GSR: variants seen among roughly 807,000 people sequenced by gnomAD.
GSR encodes glutathione reductase, mitochondrial.
A neutral mutation model predicts 56.5 loss-of-function variants in GSR; 48 were observed. That is an observed-to-expected ratio of 0.85 (90% CI 0.67 to 1.08). GSR has a LOEUF of 1.08. Ranked by LOEUF, GSR falls within the 50% of genes least tolerant of loss-of-function variation. GSR has a pLI of 0.00. For synonymous variants in GSR, 264 were observed against 270.8 expected, an observed-to-expected ratio of 0.97 and a Z score of 0.25; for missense variants, 694 against 703.3, an observed-to-expected ratio of 0.99 and a Z score of 0.15.
chr8:30,699,551 C>A (rs933976363), intron 6 of GSR, among the ~76,000 whole-genome samples: 1 of 152,064 alleles, frequency 6.6e-6, no homozygotes, highest in African/African-American at 2.4e-5. Context: ...TCAAGTGATT[C>A]TCCTGCCTCA....
chr8:30,714,362 C>T (rs1405765101), intron 1 of GSR, among the ~76,000 whole-genome samples: 5 of 151,942 alleles, frequency 3.3e-5, no homozygotes, highest in South Asian at 2.1e-4. Context: ...AGGCGTTCAC[C>T]GCCATGCCTG....
chr8:30,707,565 T>C (rs1037885498), intron 4 of GSR, among the ~76,000 whole-genome samples: 3 of 151,934 alleles, frequency 2.0e-5, no homozygotes, highest in Non-Finnish European at 4.4e-5. Flanking sequence ...GAGACTGAGG[T>C]GGGAGGACTG....
At chr8:30,684,933 ATTTATTTATTTATT>A (rs1803106837) in intron 9 of GSR, among the ~76,000 whole-genome samples, 1 of 346 alleles carries the variant, frequency 2.9e-3, no homozygotes, top group African/African-American at 0.022. Context: ...ACATACATTT[ATTTATTTATTTATT>A]TATTTATTTA....
rs558898648 is a variant in GSR, at chr8:30,692,963, C to T, written c.882+6G>A. On this transcript the variant is annotated splice_donor_region_variant and intron_variant, in intron 8 of 12. Coordinates refer to ENST00000221130, the MANE Select transcript of GSR (RefSeq NM_000637.5). The stretch of plus-strand genomic sequence containing the variant: ...GCCGCGTGCATGCCTGGGCTTGGCA[C>T]TGTACCTGGGAGAACTTCAGCACCT... 576 of 1,592,572 alleles carry T rather than the reference C, an allele frequency of 3.6e-4. 10 individuals are homozygous for T. In the South Asian group the frequency reaches 6.0e-3, roughly 17 times the overall value.
chr8:30,726,576 T>A (rs985954826), intron 1 of GSR, among the ~76,000 whole-genome samples: 1 of 152,040 alleles, frequency 6.6e-6, no homozygotes, highest in East Asian at 1.9e-4. Context: ...AAGGGCAACA[T>A]AGCGAGACCC....
intron 1 of GSR, among the ~76,000 whole-genome samples, chr8:30,722,755 G>C (rs1804590835): frequency 2.3e-5 from 3 of 133,214 alleles, no homozygotes; most frequent in Admixed American, 1.5e-4. Flanking sequence ...AAAAAAAAAA[G>C]CATGTCCAGT....
chr8:30,727,168 C>T lies in GSR; in HGVS notation c.306+362G>A, dbSNP rs1049303639. ...CGTCACCCTCGTCCCTACACACAGG[C>T]CACCAGCAATGTTCCCAGATGCAGT... On this transcript the variant is annotated intron_variant, in intron 1 of 12. Transcript: ENST00000221130. Among the ~76,000 whole-genome samples, 63 of 152,368 alleles carry T rather than the reference C, an allele frequency of 4.1e-4. No homozygotes were observed. In the Middle Eastern group the frequency reaches 0.01, roughly 25 times the overall value.
intron 12 of GSR, among the ~76,000 whole-genome samples, 186 bp downstream of exon 12, chr8:30,680,718 T>C (rs1288067907): frequency 1.3e-5 from 2 of 151,732 alleles, no homozygotes; most frequent in Admixed American, 6.6e-5. Flanking sequence ...TTAAAAGGAG[T>C]GGAACCTCCT....
chr8:30,709,968 T>G, intron 2 of GSR, 66 bp from the exon 3 acceptor site: 5 of 847,902 alleles, frequency 5.9e-6, no homozygotes, highest in Non-Finnish European at 9.5e-6. Context: ...AAAAAAGGAA[T>G]CATGAATGAA....
At chr8:30,699,626 T>C (rs947834973) in intron 6 of GSR, among the ~76,000 whole-genome samples, 1 of 151,602 alleles carries the variant, frequency 6.6e-6, no homozygotes, top group Non-Finnish European at 1.5e-5. Flanking sequence ...ATAGTTTTAG[T>C]AGAGACAGGG....
intron 2 of GSR, among the ~76,000 whole-genome samples, chr8:30,710,698 G>A (rs1804099982): frequency 8.8e-6 from 1 of 113,694 alleles, no homozygotes; most frequent in African/African-American, 3.6e-5. Flanking sequence ...GCCTGGGCAA[G>A]AGTGAGACTC....
At chr8:30,704,161 C>T (rs573329443) in intron 4 of GSR, among the ~76,000 whole-genome samples, 1 of 152,150 alleles carries the variant, frequency 6.6e-6, no homozygotes, top group East Asian at 1.9e-4. Context: ...CCCATCTCTA[C>T]TAAAAATATA....
chr8:30,682,329 T>C (rs1159036593), intron 10 of GSR, among the ~76,000 whole-genome samples: 2 of 152,118 alleles, frequency 1.3e-5, no homozygotes, highest in Admixed American at 6.6e-5. Context: ...AAATCCAAAA[T>C]GTTGGAGCAC....
At chr8:30,701,722 G>A (rs1803747215) in intron 5 of GSR, among the ~76,000 whole-genome samples, 1 of 149,596 alleles carries the variant, frequency 6.7e-6, no homozygotes, top group African/African-American at 2.5e-5. Flanking sequence ...AAACCCGGGA[G>A]GCAGAGGTTC....
intron 7 of GSR, among the ~76,000 whole-genome samples, chr8:30,694,773 C>T (rs1641888154): frequency 6.6e-6 from 1 of 151,624 alleles, no homozygotes; most frequent in South Asian, 2.1e-4. Flanking sequence ...GTGGCATGTT[C>T]CTGTAGTCCT....
intron 6 of GSR, among the ~76,000 whole-genome samples, chr8:30,698,612 G>T (rs1187948233): frequency 2.6e-5 from 4 of 152,312 alleles, no homozygotes; most frequent in Admixed American, 2.0e-4. Flanking sequence ...CTGCAAAGCA[G>T]CTCCCTGGTC....
Position 30,708,230 on chromosome 8 carries a change from G to C in GSR, c.423-89C>G, listed in dbSNP as rs1053343234. 3 of 912,578 alleles carry C rather than the reference G, an allele frequency of 3.3e-6. No homozygotes were observed. In the African/African-American group the frequency reaches 4.9e-5, roughly 15 times the overall value. 56.5% of individuals were successfully genotyped at this position (912,578 alleles called of 1,614,324 possible). Reference sequence around the variant, plus strand: ...CATCTGTCCCTGAACACCCCGAGCAGAGAATCACTGACTGTCAACAGCAAC... The same window carrying C: ...CATCTGTCCCTGAACACCCCGAGCACAGAATCACTGACTGTCAACAGCAAC... On this transcript the variant is annotated intron_variant, in intron 3 of 12. Transcript: ENST00000221130.
intron 1 of GSR, among the ~76,000 whole-genome samples, chr8:30,715,583 G>A (rs8190920): frequency 0.015 from 2,220 of 152,166 alleles, 49 homozygotes; most frequent in African/African-American, 0.051. Context: ...GTGCTTCCCC[G>A]TGCCTTCCAC....
At chr8:30,721,058 T>C (rs1804518744) in intron 1 of GSR, among the ~76,000 whole-genome samples, 2 of 152,086 alleles carry the variant, frequency 1.3e-5, no homozygotes, top group Non-Finnish European at 2.9e-5. Flanking sequence ...ATCGTGCCAC[T>C]GCACTCCAGC....
Sources: allele counts gnomAD v4.1 joint callset (sites outside exome capture counted in the v4.1 genomes callset), GRCh38; gene constraint gnomAD v4.1.1; transcripts MANE v1.5; gene names NCBI Gene and HGNC (gene_info 2026-07-23, HGNC 2026-07-21).